NADSYN1: variants seen among roughly 807,000 people sequenced by gnomAD.
NADSYN1 encodes NAD synthetase 1.
NADSYN1 carries 80 observed loss-of-function variants against 99.3 expected under a neutral mutation model. That is an observed-to-expected ratio of 0.81 (90% CI 0.67 to 0.97). The LOEUF is 0.97. Among genes scored for constraint, NADSYN1 ranks in the 50% least tolerant of loss-of-function variants. The pLI, the probability that NADSYN1 is intolerant of heterozygous loss-of-function variation, is 0.00. For synonymous variants in NADSYN1, 385 were observed against 372.1 expected (o/e 1.03, Z -0.40); for missense variants, 859 against 948.5 (o/e 0.91, Z 1.24).
rs980263860 is a variant in NADSYN1, at chr11:71,463,522, G to T, written c.317+37G>T. The T allele has an allele frequency of 3.8e-6, 6 of 1,593,032 alleles. No individual in the cohort carries two copies. The African/African-American group carries it at 6.7e-5, about 18-fold the overall frequency. ...GCCCCCACCCCGGGAGGGTGACTGG[G>T]GCCTCTCCCTGGCTCTCAGCTGAGG... On this transcript the variant is annotated intron_variant, in intron 4 of 20. Transcript: ENST00000319023.
chr11:71,478,020 C>A (rs11233868), intron 9 of NADSYN1, among the ~76,000 whole-genome samples: 12,617 of 151,770 alleles, frequency 0.083, 623 homozygotes, highest in African/African-American at 0.14. Flanking sequence ...ACTGGGGTGT[C>A]TTACTGACAG....
chr11:71,478,219 G>A (rs1288559513), intron 9 of NADSYN1, among the ~76,000 whole-genome samples, 176 bp from the exon 10 acceptor site: 3 of 152,176 alleles, frequency 2.0e-5, no homozygotes, highest in East Asian at 3.9e-4. Context: ...CAACAGTGAC[G>A]GGGAAGGGCT....
chr11:71,498,832 G>C (rs776673440), intron 20 of NADSYN1: 2 of 226,976 alleles, frequency 8.8e-6, no homozygotes, highest in African/African-American at 2.3e-5. Context: ...TTATTTGTGT[G>C]TGGTAAGAGC....
chr11:71,474,552 G>A, intron 9 of NADSYN1, 26 bp downstream of exon 9: 1 of 1,613,638 alleles, frequency 6.2e-7, no homozygotes, highest in Non-Finnish European at 8.5e-7. Flanking sequence ...GGACATGCCT[G>A]GGGGAGGGTT....
chr11:71,481,274 C>G lies in NADSYN1; in HGVS notation c.999-82C>G, dbSNP rs562800655. 1.1e-4 allele frequency: 161 copies of G among 1,453,518 alleles called. No individual in the cohort carries two copies. In the Middle Eastern group the frequency reaches 1.2e-3, roughly 10 times the overall value. The allele number at this position is 1,453,518 out of a possible 1,614,324, so 90.0% of individuals were successfully genotyped here. ...AGCGTTGACTCTGGCACTGCAGCCTCCTGGGGCCTGCTTGGGTGGGTTGTT... is the reference window on the plus strand; with the variant it reads ...AGCGTTGACTCTGGCACTGCAGCCTGCTGGGGCCTGCTTGGGTGGGTTGTT... On this transcript the variant is annotated intron_variant, in intron 11 of 20. Transcript: ENST00000319023.
chr11:71,500,768 T>C (rs1322123320), intron 20 of NADSYN1, among the ~76,000 whole-genome samples: 1 of 152,258 alleles, frequency 6.6e-6, no homozygotes, highest in East Asian at 1.9e-4. Flanking sequence ...CTATATCCCC[T>C]GCTGTGGCTG....
intron 9 of NADSYN1, chr11:71,475,957 A>G (rs561361419): frequency 1.8e-5 from 8 of 450,646 alleles, no homozygotes; most frequent in South Asian, 1.1e-4. Context: ...CAGGCAATCC[A>G]CGCACCTCAG....
intron 19 of NADSYN1, 141 bp from the exon 20 acceptor site, chr11:71,498,211 T>C: frequency 1.1e-6 from 1 of 929,168 alleles, no homozygotes; most frequent in South Asian, 1.8e-5. Flanking sequence ...AGCACGGGCA[T>C]CCCCCACACC....
At chr11:71,454,953 G>A (rs1347948695) in intron 1 of NADSYN1, among the ~76,000 whole-genome samples, 157 bp from the exon 2 acceptor site, 1 of 152,194 alleles carries the variant, frequency 6.6e-6, no homozygotes, top group Non-Finnish European at 1.5e-5. Context: ...GCTGTCAACA[G>A]GAAGCCTGAC....
intron 3 of NADSYN1, among the ~76,000 whole-genome samples, chr11:71,460,369 G>C (rs552042668): frequency 6.6e-6 from 1 of 152,188 alleles, no homozygotes; most frequent in South Asian, 2.1e-4. Context: ...TTGTTTGTTT[G>C]AGACAGATTC....
chr11:71,492,574 G>T (rs191847163), intron 18 of NADSYN1, among the ~76,000 whole-genome samples: 1 of 152,182 alleles, frequency 6.6e-6, no homozygotes, highest in African/African-American at 2.4e-5. Context: ...TGTAAATGTA[G>T]GATTTATTTC....
At chr11:71,461,793 G>A (rs1354657952) in intron 3 of NADSYN1, among the ~76,000 whole-genome samples, 2 of 152,208 alleles carry the variant, frequency 1.3e-5, no homozygotes, top group Admixed American at 6.5e-5. Flanking sequence ...AGAACAGCAC[G>A]GAGGGGACAG....
At chr11:71,494,877 C>T (rs1292294583) in intron 18 of NADSYN1, among the ~76,000 whole-genome samples, 1 of 152,130 alleles carries the variant, frequency 6.6e-6, no homozygotes, top group African/African-American at 2.4e-5. Context: ...TCTATAAGGT[C>T]TGTAAGGTGT....
chr11:71,453,221 T>C lies in NADSYN1; in HGVS notation c.-76T>C, dbSNP rs2120376723. The C allele has an allele frequency of 7.4e-7, 1 of 1,356,868 alleles. No individual in the cohort carries two copies. The highest frequency in any genetic ancestry group is 1.2e-5 in the South Asian group (1 of 81,278). The allele number at this position is 1,356,868 out of a possible 1,614,324, so 84.1% of individuals were successfully genotyped here. ...GCCGGGCAACCCGGAAGGTCCGGCG[T>C]CCCAGCCGCCTACCTCGCTGGGACC... On this transcript the variant is annotated 5_prime_UTR_variant, in exon 1 of 21. Transcript: ENST00000319023.
At chr11:71,467,135 G>A (rs1282705620) in intron 5 of NADSYN1, among the ~76,000 whole-genome samples, 2 of 152,178 alleles carry the variant, frequency 1.3e-5, no homozygotes, top group Non-Finnish European at 2.9e-5. Flanking sequence ...GAGAGATGTT[G>A]CCTAGAAATT....
chr11:71,460,326 A>G, intron 3 of NADSYN1: 1 of 152,260 alleles, frequency 6.6e-6, no homozygotes, highest in Non-Finnish European at 1.5e-5. Flanking sequence ...TTTTCTATTC[A>G]TTAGGTTTTC....
chr11:71,477,598 T>G (rs1057294684), intron 9 of NADSYN1, among the ~76,000 whole-genome samples: 1 of 152,234 alleles, frequency 6.6e-6, no homozygotes, highest in African/African-American at 2.4e-5. Context: ...TATTTTTTCA[T>G]GAAGGAATAA....
intron 12 of NADSYN1, 164 bp from the exon 13 acceptor site, chr11:71,481,759 C>G (rs1156860030): frequency 6.4e-6 from 4 of 628,874 alleles, no homozygotes; most frequent in Non-Finnish European, 8.3e-6. Context: ...AAAATCCATT[C>G]ATCCTGCCAC....
rs1197739194 is a variant in NADSYN1, at chr11:71,464,798, CA to C, written c.407+658del. Among the ~76,000 whole-genome samples, 849 of 136,132 alleles carry C rather than the reference CA, an allele frequency of 6.2e-3. 13 individuals are homozygous for C. Among genetic ancestry groups the C allele is most frequent in the African/African-American group, 0.022 (799 of 35,794 alleles). The allele number at this position is 136,132 out of a possible 152,430, so 89.3% of individuals were successfully genotyped here. A position where few individuals can be genotyped will look rare whatever the true frequency, so the allele number is the denominator to read the frequency against. On this transcript the variant is annotated intron_variant, in intron 5 of 20. Transcript: ENST00000319023. ...AGGAGAATGGCATGAACCCAGGAGG[CA>C]AGAGCTTGCAGTGAGCCGAGATTGC...
Sources: allele counts gnomAD v4.1 joint callset (sites outside exome capture counted in the v4.1 genomes callset), GRCh38; gene constraint gnomAD v4.1.1; transcripts MANE v1.5; gene names NCBI Gene and HGNC (gene_info 2026-07-23, HGNC 2026-07-21).